FAM47E: variants seen among roughly 807,000 people sequenced by gnomAD.
FAM47E encodes family with sequence similarity 47 member E.
In FAM47E, 32 loss-of-function variants were observed where a neutral mutation model predicts 41.6. The observed-to-expected ratio is 0.77, with a 90% CI of 0.58 to 1.03. The LOEUF (loss-of-function observed/expected upper bound fraction) is 1.03. Ranked by LOEUF, FAM47E falls within the 50% of genes least tolerant of loss-of-function variation. The pLI is 0.00. For missense variants in FAM47E, 424 were observed against 485.4 expected, an observed-to-expected ratio of 0.87 and a Z score of 1.19; for synonymous variants, 184 against 188.7, an observed-to-expected ratio of 0.98 and a Z score of 0.20.
chr4:76,232,520 G>T (rs760548887), intron 2 of FAM47E, among the ~76,000 whole-genome samples: 4 of 152,182 alleles, frequency 2.6e-5, no homozygotes, highest in Non-Finnish European at 4.4e-5. Flanking sequence ...GGTTTTCTCT[G>T]TGGTTTACAA....
intron 5 of FAM47E, among the ~76,000 whole-genome samples, chr4:76,276,012 GGACA>G (rs750155309): frequency 1.9e-4 from 27 of 140,010 alleles, no homozygotes; most frequent in East Asian, 1.5e-3. Flanking sequence ...ATGATGCATG[GGACA>G]GACAGACAGA....
At chr4:76,238,700 C>G (rs1240879689) in intron 2 of FAM47E, among the ~76,000 whole-genome samples, 2 of 152,098 alleles carry the variant, frequency 1.3e-5, no homozygotes, top group African/African-American at 4.8e-5. Context: ...ATGTTAGGTA[C>G]AGAGACAACA....
chr4:76,230,787 C>A (rs937050046), intron 2 of FAM47E, among the ~76,000 whole-genome samples: 7 of 152,192 alleles, frequency 4.6e-5, no homozygotes, highest in Admixed American at 1.3e-4. Flanking sequence ...ATCTGCCATT[C>A]TTACCCACAT....
At chr4:76,225,669 GT>G (rs1733384338) in intron 2 of FAM47E, among the ~76,000 whole-genome samples, 1 of 152,100 alleles carries the variant, frequency 6.6e-6, no homozygotes, top group African/African-American at 2.4e-5. Context: ...TTTTAATTCT[GT>G]TGATGTGATG....
chr4:76,274,009 A>G (rs1051492124), intron 5 of FAM47E, among the ~76,000 whole-genome samples: 1 of 152,180 alleles, frequency 6.6e-6, no homozygotes, highest in Non-Finnish European at 1.5e-5. Context: ...CATAAAAAAC[A>G]TAGTTATAAC....
upstream of FAM47E, among the ~76,000 whole-genome samples, chr4:76,249,902 T>C (rs952249843): frequency 2.6e-5 from 4 of 152,120 alleles, no homozygotes; most frequent in Non-Finnish European, 4.4e-5. Flanking sequence ...TGTTATTCCA[T>C]TATATATATG....
intron 4 of FAM47E, among the ~76,000 whole-genome samples, chr4:76,270,470 C>T (rs188658532): frequency 3.3e-5 from 5 of 152,248 alleles, no homozygotes; most frequent in Admixed American, 6.5e-5. Flanking sequence ...GTGAGAGTGA[C>T]GGACAGAGAC....
At position 76,217,721 on chromosome 4, in the gene FAM47E, G is replaced by A. The variant is rs576496781; in HGVS notation, c.81+33G>A. On this transcript the variant is annotated intron_variant, in intron 2 of 7. Transcript: ENST00000510197. The stretch of plus-strand genomic sequence containing the variant: ...TATAGCAACACAAACAGACAAGGGC[G>A]GAAAATGAGGAGACTGATGCTGTGG... The A allele has an allele frequency of 5.1e-4, 271 of 532,734 alleles. 2 individuals carry two copies. Among genetic ancestry groups the A allele is most frequent in the East Asian group, 1.5e-3 (49 of 32,610 alleles). The allele number at this position is 532,734 out of a possible 1,614,324, so 33.0% of individuals were successfully genotyped here.
chr4:76,228,979 G>C (rs186442273), intron 2 of FAM47E, among the ~76,000 whole-genome samples: 49 of 152,154 alleles, frequency 3.2e-4, no homozygotes, highest in African/African-American at 1.1e-3. Flanking sequence ...ATTATTCTTA[G>C]GGTTGGCTGT....
At chr4:76,253,762 C>T (rs1734069210) in intron 1 of FAM47E, among the ~76,000 whole-genome samples, 1 of 151,214 alleles carries the variant, frequency 6.6e-6, no homozygotes, top group Non-Finnish European at 1.5e-5. Context: ...CAAGATTACA[C>T]CATTGCACTC....
chr4:76,278,442 C>A, intron 6 of FAM47E: 1 of 458,338 alleles, frequency 2.2e-6, no homozygotes, highest in Non-Finnish European at 3.7e-6. Context: ...GACATGACAT[C>A]TCTAAAGATT....
chr4:76,251,651 C>G, upstream of FAM47E: 1 of 1,353,020 alleles, frequency 7.4e-7, no homozygotes. Context: ...GGGGCAAATA[C>G]CGGCAGCGGT....
chr4:76,251,261 G>A (rs981364855), upstream of FAM47E, among the ~76,000 whole-genome samples: 4 of 152,046 alleles, frequency 2.6e-5, no homozygotes, highest in African/African-American at 9.7e-5. Flanking sequence ...TGCAGCCCTC[G>A]GTTTACAGAG....
chr4:76,251,869 G>T (rs1733978230), intron 1 of FAM47E, 49 bp downstream of exon 1: 6 of 1,364,730 alleles, frequency 4.4e-6, no homozygotes, highest in South Asian at 1.8e-5. Context: ...CGGGCCGCGC[G>T]GGGGCGCCTG....
chr4:76,261,676 G>T (rs2110010737), intron 2 of FAM47E, among the ~76,000 whole-genome samples: 1 of 152,138 alleles, frequency 6.6e-6, no homozygotes, highest in South Asian at 2.1e-4. Context: ...TCCAAAAAGG[G>T]GGGTTAGGAG....
intron 2 of FAM47E, chr4:76,217,727 TGAG>T (rs987567362): frequency 1.1e-5 from 6 of 527,556 alleles, no homozygotes; most frequent in African/African-American, 9.5e-5. Context: ...GGGCGGAAAA[TGAG>T]GAGACTGATG....
In FAM47E at chr4:76,283,720, C is replaced by A; in HGVS notation, c.*262C>A. ...GTAATCTTCTCATATTTTTGTGGCA[C>A]GTGAATATTATATAGGTATATCAAC... On this transcript the variant is annotated 3_prime_UTR_variant, in exon 8 of 8. Coordinates refer to ENST00000424749, the MANE Select transcript of FAM47E (RefSeq NM_001136570.3). The A allele has an allele frequency of 3.2e-6, 1 of 315,752 alleles. No homozygotes were observed. Among genetic ancestry groups the A allele is most frequent in the South Asian group, 6.2e-5 (1 of 16,094 alleles). 19.6% of individuals were successfully genotyped at this position (315,752 alleles called of 1,614,324 possible). A position where few individuals can be genotyped will look rare whatever the true frequency, so the allele number is the denominator to read the frequency against.
At chr4:76,232,267 A>G (rs4859641) in intron 2 of FAM47E, among the ~76,000 whole-genome samples, 22,777 of 152,018 alleles carry the variant, frequency 0.15, 2,029 homozygotes, top group East Asian at 0.35. Context: ...CCATTTAGTT[A>G]ATTCTTGCTT....
intron 2 of FAM47E, among the ~76,000 whole-genome samples, chr4:76,228,933 C>A (rs1272495656): frequency 6.6e-6 from 1 of 152,128 alleles, no homozygotes; most frequent in Non-Finnish European, 1.5e-5. Context: ...ATAAATTTCC[C>A]AACTTTTAAA....
Sources: allele counts gnomAD v4.1 joint callset (sites outside exome capture counted in the v4.1 genomes callset), GRCh38; gene constraint gnomAD v4.1.1; transcripts MANE v1.5; gene names NCBI Gene and HGNC (gene_info 2026-07-23, HGNC 2026-07-21).